The following CFAP70 variants were observed in gnomAD, a reference collection of about 807,000 sequenced individuals.
CFAP70 encodes the protein cilia- and flagella-associated protein 70.
A neutral mutation model predicts 137.6 loss-of-function variants in CFAP70; 81 were observed. The ratio of observed to expected loss-of-function variants is 0.59; its 90% confidence interval spans 0.49 to 0.71. The LOEUF is 0.71. Among genes scored for constraint, CFAP70 ranks in the 30% least tolerant of loss-of-function variants. The probability of loss-of-function intolerance (pLI) is 0.00; values close to 1 mark genes in which losing one functional copy is unlikely to be tolerated. For missense variants in CFAP70, 976 were observed against 1,226.7 expected (o/e 0.80, Z 3.05); for synonymous variants, 382 against 423.6 (o/e 0.90, Z 1.20).
At chr10:73,297,610 T>C (rs1200919505) in intron 14 of CFAP70, among the ~76,000 whole-genome samples, 1 of 152,146 alleles carries the variant, frequency 6.6e-6, no homozygotes, top group East Asian at 1.9e-4. Context: ...GCTTCCTCAT[T>C]TGTTAAGAGG....
At chr10:73,256,966 A>G (rs1270575640) in intron 25 of CFAP70, among the ~76,000 whole-genome samples, 3 of 151,940 alleles carry the variant, frequency 2.0e-5, no homozygotes, top group Non-Finnish European at 4.4e-5. Flanking sequence ...GCTTAAAGAT[A>G]ACTTGGCCTC....
At chr10:73,289,168 T>A (rs538440641) in intron 19 of CFAP70, among the ~76,000 whole-genome samples, 30 of 152,286 alleles carry the variant, frequency 2.0e-4, no homozygotes, top group South Asian at 1.9e-3. Flanking sequence ...CAACAAAAAA[T>A]TGTTATGATT....
intron 21 of CFAP70, chr10:73,276,728 A>C (rs2046776832): frequency 6.6e-6 from 1 of 152,272 alleles, no homozygotes; most frequent in African/African-American, 2.4e-5. Flanking sequence ...ACTTCCTAGA[A>C]TGCTCTTCTT....
At chr10:73,324,185 C>T (rs1358871424) in intron 8 of CFAP70, among the ~76,000 whole-genome samples, 5 of 152,304 alleles carry the variant, frequency 3.3e-5, no homozygotes, top group East Asian at 1.9e-4. Flanking sequence ...CATGAAAATC[C>T]GCTGTTCTGC....
chr10:73,337,722 G>A (rs774928971), intron 6 of CFAP70, among the ~76,000 whole-genome samples: 1 of 151,996 alleles, frequency 6.6e-6, no homozygotes, highest in South Asian at 2.1e-4. Context: ...CTGGCCAAAT[G>A]TGGTGAAACC....
intron 4 of CFAP70, chr10:73,347,183 G>C (rs1366796476): frequency 6.6e-6 from 1 of 152,124 alleles, no homozygotes; most frequent in Non-Finnish European, 1.5e-5. Context: ...GAGGTTGAAG[G>C]GGGAGGCCTC....
intron 11 of CFAP70, among the ~76,000 whole-genome samples, chr10:73,310,659 A>T (rs1250093439): frequency 1.3e-5 from 2 of 152,124 alleles, no homozygotes; most frequent in Non-Finnish European, 2.9e-5. Flanking sequence ...ACCATCTACC[A>T]ACTCCAAGTG....
intron 12 of CFAP70, among the ~76,000 whole-genome samples, chr10:73,302,306 G>C (rs12262995): frequency 0.1 from 15,682 of 152,136 alleles, 1,166 homozygotes; most frequent in East Asian, 0.3. Context: ...GAGGAGTAAA[G>C]CCAGGAGAGT....
rs1388099624 is a variant in CFAP70 at position 73,263,875 on chromosome 10, G to A, written c.3027+5739C>T. 2.0e-5 allele frequency among the ~76,000 whole-genome samples: 3 copies of A among 152,116 alleles called. No individual in the cohort carries two copies. In the South Asian group the frequency reaches 6.2e-4, roughly 32 times the overall value. On this transcript the variant is annotated intron_variant, in intron 25 of 26. Transcript: ENST00000310715. ...TCTATTATGATGGTTTCCAAATTGC[G>A]ATTTTCCAATTCCATCATTCTTCAT...
chr10:73,297,249 T>C, intron 14 of CFAP70, 76 bp from the exon 16 acceptor site: 3 of 1,467,786 alleles, frequency 2.0e-6, no homozygotes, highest in Non-Finnish European at 2.7e-6. Flanking sequence ...TCTAGGGCTT[T>C]CTGGTCTAAA....
At chr10:73,280,807 T>C (rs2131811112) in intron 19 of CFAP70, among the ~76,000 whole-genome samples, 1 of 152,340 alleles carries the variant, frequency 6.6e-6, no homozygotes. Flanking sequence ...CTTCTTTTTT[T>C]CCCTGATCAG....
At chr10:73,262,423 T>C (rs2045346370) in intron 25 of CFAP70, among the ~76,000 whole-genome samples, 1 of 152,050 alleles carries the variant, frequency 6.6e-6, no homozygotes, top group Non-Finnish European at 1.5e-5. Context: ...TTTTACTTAA[T>C]AATGGACTCA....
chr10:73,345,985 G>A (rs1206850128), intron 4 of CFAP70, among the ~76,000 whole-genome samples: 2 of 150,250 alleles, frequency 1.3e-5, no homozygotes, highest in African/African-American at 2.4e-5. Context: ...CTGCAACCCC[G>A]CCTCCTGGGT....
chr10:73,325,913 C>G (rs1005399350), intron 8 of CFAP70, among the ~76,000 whole-genome samples: 1 of 152,156 alleles, frequency 6.6e-6, no homozygotes, highest in African/African-American at 2.4e-5. Flanking sequence ...CCACTGTCAA[C>G]ATTAGACAGA....
intron 25 of CFAP70, among the ~76,000 whole-genome samples, chr10:73,260,284 G>A (rs1051702622): frequency 4.6e-5 from 7 of 151,618 alleles, no homozygotes; most frequent in African/African-American, 7.3e-5. Flanking sequence ...GCCCAGGATC[G>A]TCCCACTGCA....
At chr10:73,255,919 G>A (rs908990550) in intron 26 of CFAP70, among the ~76,000 whole-genome samples, 2 of 152,146 alleles carry the variant, frequency 1.3e-5, no homozygotes, top group African/African-American at 4.8e-5. Context: ...AGCTGCTTGT[G>A]TACTACAAGT....
chr10:73,339,816 A>G (rs1201904827), intron 6 of CFAP70, among the ~76,000 whole-genome samples: 1 of 145,614 alleles, frequency 6.9e-6, no homozygotes, highest in Non-Finnish European at 1.5e-5. Flanking sequence ...GAAGAGCCCC[A>G]GGTGTCAGAC....
At chr10:73,323,337 G>A (rs1271078489) in intron 8 of CFAP70, among the ~76,000 whole-genome samples, 1 of 129,748 alleles carries the variant, frequency 7.7e-6, no homozygotes, top group Non-Finnish European at 1.6e-5. Flanking sequence ...GGGGCGGGGG[G>A]GGGGCAGCCA....
intron 24 of CFAP70, among the ~76,000 whole-genome samples, chr10:73,270,522 TCCCCCTCCC>T (rs2046202569): frequency 9.2e-4 from 1 of 1,088 alleles, no homozygotes; most frequent in Admixed American, 0.013. Context: ...TCCCCTCCCC[TCCCCCTCCC>T]CTCCCCTCCC....
Sources: gnomAD v4.1 joint callset for allele counts (sites outside exome capture counted in the v4.1 genomes callset) on GRCh38, gnomAD v4.1.1 for gene constraint, MANE v1.5 for transcripts, NCBI Gene and HGNC (gene_info 2026-07-23, HGNC 2026-07-21) for gene names.